AMOTL1: variants seen among roughly 807,000 people sequenced by gnomAD.
AMOTL1 encodes the protein angiomotin like 1, also known as angiomotin-like protein 1.
AMOTL1 carries 45 observed loss-of-function variants against 102.9 expected under a neutral mutation model. That is an observed-to-expected ratio of 0.44 (90% confidence interval 0.34 to 0.56). The LOEUF is 0.56. Ranked by LOEUF, AMOTL1 falls within the 20% of genes least tolerant of loss-of-function variation. The pLI, the probability that AMOTL1 is intolerant of heterozygous loss-of-function variation, is 0.01. For synonymous variants in AMOTL1, 481 were observed against 484.7 expected, an observed-to-expected ratio of 0.99 and a Z score of 0.10; for missense variants, 1,114 against 1,225.6, an observed-to-expected ratio of 0.91 and a Z score of 1.36.
chr11:94,794,248 T>A (rs913276536), intron 1 of AMOTL1, among the ~76,000 whole-genome samples: 2 of 152,234 alleles, frequency 1.3e-5, no homozygotes, highest in Admixed American at 1.3e-4. Context: ...TGCAGAGGAA[T>A]CAGTGCAGAG....
intron 3 of AMOTL1, among the ~76,000 whole-genome samples, chr11:94,751,196 A>G (rs1387558035): frequency 6.6e-6 from 1 of 152,218 alleles, no homozygotes; most frequent in African/African-American, 2.4e-5. Context: ...TGAACAAAAG[A>G]TGACTGGTAG....
At chr11:94,819,712 C>A (rs184085862) in intron 3 of AMOTL1, among the ~76,000 whole-genome samples, 1 of 152,316 alleles carries the variant, frequency 6.6e-6, no homozygotes, top group East Asian at 1.9e-4. Context: ...ACCCAGACCA[C>A]CTTGGGTAGA....
intron 1 of AMOTL1, among the ~76,000 whole-genome samples, chr11:94,717,283 A>G (rs1288640495): frequency 1.3e-5 from 2 of 150,744 alleles, no homozygotes; most frequent in Non-Finnish European, 3.0e-5. Context: ...CTCACAATAA[A>G]CTTTTACAAT....
chr11:94,740,242 C>T (rs947007526), intron 2 of AMOTL1: 2 of 152,310 alleles, frequency 1.3e-5, no homozygotes, highest in African/African-American at 4.8e-5. Flanking sequence ...TGAAAATCGT[C>T]CATCTCCTCA....
intron 2 of AMOTL1, chr11:94,740,795 C>T (rs1224709470): frequency 3.6e-6 from 2 of 551,698 alleles, no homozygotes; most frequent in Non-Finnish European, 6.1e-6. Flanking sequence ...CTGAATCCCG[C>T]GGGGCCTCCG....
intron 6 of AMOTL1, among the ~76,000 whole-genome samples, chr11:94,833,559 AC>A (rs1952116359): frequency 6.6e-6 from 1 of 152,198 alleles, no homozygotes; most frequent in African/African-American, 2.4e-5. Flanking sequence ...GCTTAGAAAT[AC>A]CTTTTACCCT....
intron 1 of AMOTL1, among the ~76,000 whole-genome samples, chr11:94,788,424 A>C (rs748233724): frequency 6.6e-6 from 1 of 152,074 alleles, no homozygotes; most frequent in Non-Finnish European, 1.5e-5. Context: ...TGTTTTTCCC[A>C]TGTTGGGCCG....
In AMOTL1 at chr11:94,771,263, G is replaced by A. The variant is rs1045288868; in HGVS notation, c.49+2703G>A. Among the ~76,000 whole-genome samples the A allele has an allele frequency of 1.9e-3, 282 of 146,626 alleles. 5 individuals carry two copies. The highest frequency in any genetic ancestry group is 6.5e-3 in the African/African-American group (261 of 40,428). On this transcript the variant is annotated intron_variant, in intron 1 of 12. Transcript: ENST00000433060. ...TTCTTTTCTTTTTGGCGGGGTTGGG[G>A]GGGGGGTGCGGTGTGTGGCTATCTG...
chr11:94,767,291 T>G (rs1950866729), upstream of AMOTL1, among the ~76,000 whole-genome samples: 1 of 152,178 alleles, frequency 6.6e-6, no homozygotes, highest in Non-Finnish European at 1.5e-5. Flanking sequence ...AATGATTACA[T>G]TTGGGCTTTA....
chr11:94,793,280 C>G (rs1407938170), intron 1 of AMOTL1, among the ~76,000 whole-genome samples: 1 of 152,118 alleles, frequency 6.6e-6, no homozygotes, highest in Non-Finnish European at 1.5e-5. Flanking sequence ...TCCTCTCTTA[C>G]TCTGATTTGG....
chr11:94,807,376 T>C (rs1322856765), intron 3 of AMOTL1, among the ~76,000 whole-genome samples: 1 of 152,222 alleles, frequency 6.6e-6, no homozygotes, highest in African/African-American at 2.4e-5. Flanking sequence ...CATTTTAAAT[T>C]TCATTTTGTT....
At chr11:94,735,759 T>C (rs1950430809) in intron 2 of AMOTL1, among the ~76,000 whole-genome samples, 1 of 152,196 alleles carries the variant, frequency 6.6e-6, no homozygotes, top group Non-Finnish European at 1.5e-5. Context: ...AGTTTGCGGA[T>C]GGAGATTAGG....
chr11:94,847,879 C>T (rs1379991464), intron 6 of AMOTL1, among the ~76,000 whole-genome samples: 1 of 152,128 alleles, frequency 6.6e-6, no homozygotes, highest in Admixed American at 6.6e-5. Context: ...TTGGTTGTGG[C>T]TTCTATTCTT....
chr11:94,812,292 A>G (rs1201550243), intron 3 of AMOTL1, among the ~76,000 whole-genome samples: 1 of 152,114 alleles, frequency 6.6e-6, no homozygotes, highest in East Asian at 1.9e-4. Context: ...CAGCCAATGA[A>G]TGTAAGGTGT....
chr11:94,856,358 A>C (rs998178898), intron 8 of AMOTL1, among the ~76,000 whole-genome samples: 1 of 152,210 alleles, frequency 6.6e-6, no homozygotes, highest in African/African-American at 2.4e-5. Flanking sequence ...AAAAAAATCC[A>C]CTGGAAACAT....
At chr11:94,714,896 C>T (rs1246015309) in intron 1 of AMOTL1, among the ~76,000 whole-genome samples, 2 of 151,898 alleles carry the variant, frequency 1.3e-5, no homozygotes, top group Admixed American at 6.6e-5. Flanking sequence ...TAATTTTTTT[C>T]CTTCCGCTTG....
intron 1 of AMOTL1, among the ~76,000 whole-genome samples, chr11:94,769,484 C>G (rs923613404): frequency 1.1e-4 from 17 of 152,222 alleles, no homozygotes; most frequent in Middle Eastern, 3.2e-3. Flanking sequence ...CCCCTCAGAG[C>G]CCCAGGCCGA....
chr11:94,737,217 G>A (rs1206816144), intron 2 of AMOTL1, among the ~76,000 whole-genome samples: 3 of 152,194 alleles, frequency 2.0e-5, no homozygotes, highest in African/African-American at 4.8e-5. Context: ...CACTGGCAAC[G>A]CTCTTCATAG....
rs76774438 is a variant in AMOTL1 at position 94,804,594 on chromosome 11, A to G, written c.1121+4283A>G. ...GGTGAACACTGCACCCTGCCTGCAA[A>G]TAGTCTTAACTTCCTATTTGAATTT... On this transcript the variant is annotated intron_variant, in intron 3 of 12. Transcript: ENST00000433060. Among the ~76,000 whole-genome samples the G allele has an allele frequency of 6.4e-3, 976 of 152,280 alleles. 9 individuals are homozygous for G. The highest frequency in any genetic ancestry group is 0.01 in the Non-Finnish European group (688 of 68,020).
Sources: gnomAD v4.1 joint callset for allele counts (sites outside exome capture counted in the v4.1 genomes callset) on GRCh38, gnomAD v4.1.1 for gene constraint, MANE v1.5 for transcripts, NCBI Gene and HGNC (gene_info 2026-07-23, HGNC 2026-07-21) for gene names.